The following ZNF804A variants were observed in gnomAD, a reference collection of about 807,000 sequenced individuals.
ZNF804A encodes zinc finger protein 804A.
ZNF804A carries 2 observed loss-of-function variants against 16.5 expected under a neutral mutation model. The observed-to-expected ratio is 0.12, with a 90% CI of 0.05 to 0.38. The LOEUF is 0.38. Among genes scored for constraint, ZNF804A ranks in the 10% least tolerant of loss-of-function variants. ZNF804A has a pLI of 0.99. For synonymous variants in ZNF804A, 534 were observed against 489.6 expected (o/e 1.09, Z -1.20); for missense variants, 1,473 against 1,390.7 (o/e 1.06, Z -0.94).
intron 1 of ZNF804A, among the ~76,000 whole-genome samples, chr2:184,646,729 C>T (rs1691881538): frequency 6.6e-6 from 1 of 152,244 alleles, no homozygotes; most frequent in Admixed American, 6.5e-5. Context: ...AGACTACCCC[C>T]CATCCCCATG....
chr2:184,860,025 T>C (rs1046609471), intron 1 of ZNF804A, among the ~76,000 whole-genome samples: 3 of 152,218 alleles, frequency 2.0e-5, no homozygotes, highest in African/African-American at 7.2e-5. Flanking sequence ...GGAATAGGTC[T>C]GGGTCCTGAG....
intron 1 of ZNF804A, among the ~76,000 whole-genome samples, chr2:184,855,787 C>T (rs1409252098): frequency 6.6e-6 from 1 of 151,878 alleles, no homozygotes; most frequent in Non-Finnish European, 1.5e-5. Flanking sequence ...CACAGTTGTT[C>T]ATGTCAGGCA....
chr2:184,660,676 C>T (rs183009507), intron 1 of ZNF804A, among the ~76,000 whole-genome samples: 8 of 152,288 alleles, frequency 5.3e-5, no homozygotes, highest in Admixed American at 3.3e-4. Context: ...CTTCTAGAAA[C>T]GTAGTCTACT....
chr2:184,717,672 A>T (rs950547508), intron 1 of ZNF804A, among the ~76,000 whole-genome samples: 1 of 152,092 alleles, frequency 6.6e-6, no homozygotes, highest in Non-Finnish European at 1.5e-5. Flanking sequence ...AATTATATGT[A>T]TTTTATTTTA....
At chr2:184,890,401 G>A (rs1684962359) in intron 2 of ZNF804A, among the ~76,000 whole-genome samples, 1 of 152,054 alleles carries the variant, frequency 6.6e-6, no homozygotes, top group Non-Finnish European at 1.5e-5. Flanking sequence ...CAGTCCAAAT[G>A]TAATTCACAT....
chr2:184,684,977 C>G (rs539389416), intron 1 of ZNF804A, among the ~76,000 whole-genome samples: 65 of 152,024 alleles, frequency 4.3e-4, no homozygotes, highest in African/African-American at 1.5e-3. Context: ...TTGCTCACAC[C>G]GGCTGGGCTT....
chr2:184,921,698 G>C (rs558003432), intron 2 of ZNF804A, among the ~76,000 whole-genome samples: 1 of 151,900 alleles, frequency 6.6e-6, no homozygotes, highest in Non-Finnish European at 1.5e-5. Context: ...TCACCTTTTT[G>C]TGCTCAAAAA....
At chr2:184,736,181 A>T (rs1393105735) in intron 1 of ZNF804A, among the ~76,000 whole-genome samples, 3 of 152,136 alleles carry the variant, frequency 2.0e-5, no homozygotes, top group Non-Finnish European at 4.4e-5. Flanking sequence ...TGCTTACAGG[A>T]TGAAAAACAC....
chr2:184,919,169 T>A (rs1366838), intron 2 of ZNF804A, among the ~76,000 whole-genome samples: 2 of 152,036 alleles, frequency 1.3e-5, no homozygotes, highest in African/African-American at 4.8e-5. Flanking sequence ...GTGAGAATCA[T>A]TGAGTGCAGG....
intron 1 of ZNF804A, among the ~76,000 whole-genome samples, chr2:184,820,646 A>G (rs76791396): frequency 6.6e-6 from 1 of 152,058 alleles, no homozygotes; most frequent in Non-Finnish European, 1.5e-5. Flanking sequence ...TGCCAATGAC[A>G]TGATCCTATA....
At chr2:184,869,411 A>C (rs1443351958) in intron 2 of ZNF804A, among the ~76,000 whole-genome samples, 1 of 151,996 alleles carries the variant, frequency 6.6e-6, no homozygotes, top group Non-Finnish European at 1.5e-5. Context: ...ATAAGTGAAT[A>C]GAAAAAGGGA....
intron 1 of ZNF804A, among the ~76,000 whole-genome samples, chr2:184,766,868 A>AATG (rs1694137328): frequency 6.6e-6 from 1 of 152,110 alleles, no homozygotes; most frequent in African/African-American, 2.4e-5. Flanking sequence ...CCTAACCTCC[A>AATG]ATGGTACTGC....
At chr2:184,756,809 T>C (rs1693965818) in intron 1 of ZNF804A, among the ~76,000 whole-genome samples, 1 of 152,074 alleles carries the variant, frequency 6.6e-6, no homozygotes, top group Non-Finnish European at 1.5e-5. Flanking sequence ...TTTCTATTTC[T>C]AACTTGCTAT....
chr2:184,726,687 AT>A (rs1213040486), intron 1 of ZNF804A, among the ~76,000 whole-genome samples: 17 of 151,608 alleles, frequency 1.1e-4, no homozygotes, highest in Non-Finnish European at 3.0e-5. Context: ...TGCATTCGTT[AT>A]CCATCCTTCT....
At chr2:184,840,373 G>T (rs754659829) in intron 1 of ZNF804A, among the ~76,000 whole-genome samples, 4 of 151,830 alleles carry the variant, frequency 2.6e-5, no homozygotes, top group Non-Finnish European at 4.4e-5. Context: ...AACAGAGTGA[G>T]ACTCTGTCTC....
At chr2:184,728,053 G>A (rs949974434) in intron 1 of ZNF804A, among the ~76,000 whole-genome samples, 1 of 151,652 alleles carries the variant, frequency 6.6e-6, no homozygotes, top group Admixed American at 6.6e-5. Context: ...GCAGTCAGAT[G>A]ACCCATACCT....
At chr2:184,842,523 TAA>T (rs71403991) in intron 1 of ZNF804A, among the ~76,000 whole-genome samples, 132 of 147,324 alleles carry the variant, frequency 9.0e-4, no homozygotes, top group Middle Eastern at 3.5e-3. Flanking sequence ...TTTTTTTTTT[TAA>T]AAAAAAAGGA....
At chr2:184,791,076 A>C (rs186367484) in intron 1 of ZNF804A, among the ~76,000 whole-genome samples, 1 of 152,256 alleles carries the variant, frequency 6.6e-6, no homozygotes, top group African/African-American at 2.4e-5. Flanking sequence ...TTTAGCCAGT[A>C]GGTGGGTCTC....
chr2:184,611,553 G>T (rs1413473632), intron 1 of ZNF804A, among the ~76,000 whole-genome samples: 1 of 152,092 alleles, frequency 6.6e-6, no homozygotes, highest in Non-Finnish European at 1.5e-5. Context: ...CTTTTGGGAA[G>T]CTTAGAAATT....
Sources: allele counts gnomAD v4.1 joint callset (sites outside exome capture counted in the v4.1 genomes callset), GRCh38; gene constraint gnomAD v4.1.1; transcripts MANE v1.5; gene names NCBI Gene and HGNC (gene_info 2026-07-23, HGNC 2026-07-21).